Variants in LDHB observed in about 807,000 individuals in gnomAD.
LDHB encodes the protein lactate dehydrogenase B, also known as L-lactate dehydrogenase B chain.
In LDHB, 18 loss-of-function variants were observed where a neutral mutation model predicts 33.4. The ratio of observed to expected loss-of-function variants is 0.54; its 90% CI spans 0.37 to 0.80. The LOEUF is 0.80. Ranked by LOEUF, LDHB falls within the 30% of genes least tolerant of loss-of-function variation. The pLI is 0.00. For missense variants in LDHB, 345 were observed against 407.9 expected (o/e 0.85, Z 1.33); for synonymous variants, 121 against 140.6 (o/e 0.86, Z 0.98).
intron 2 of LDHB, among the ~76,000 whole-genome samples, chr12:21,650,084 T>G (rs1432356347): frequency 1.1e-5 from 1 of 88,128 alleles, no homozygotes; most frequent in Non-Finnish European, 2.3e-5. Flanking sequence ...AGTAAGACTC[T>G]CTCTCTCAAG....
chr12:21,652,079 C>T (rs1938704549), intron 2 of LDHB, among the ~76,000 whole-genome samples: 1 of 145,454 alleles, frequency 6.9e-6, no homozygotes, highest in African/African-American at 2.5e-5. Context: ...AATTAAACTA[C>T]TTACTGAAGA....
intron 1 of LDHB, chr12:21,657,106 G>C (rs1267789310): frequency 6.6e-6 from 1 of 152,148 alleles, no homozygotes; most frequent in Non-Finnish European, 1.5e-5. Context: ...AAGGTCTGTG[G>C]GGACAAGTCT....
chr12:21,638,757 T>C (rs1938285359), intron 5 of LDHB, among the ~76,000 whole-genome samples: 1 of 152,028 alleles, frequency 6.6e-6, no homozygotes, highest in Non-Finnish European at 1.5e-5. Context: ...TCTCTCTAGG[T>C]GTGTGAAATC....
At chr12:21,638,913 G>A (rs1486859112) in intron 5 of LDHB, among the ~76,000 whole-genome samples, 1 of 151,910 alleles carries the variant, frequency 6.6e-6, no homozygotes, top group African/African-American at 2.4e-5. Context: ...GCATAATTAT[G>A]AAAGTGGGGT....
chr12:21,645,244 C>CAG (rs398116214), intron 3 of LDHB, among the ~76,000 whole-genome samples: 46 of 151,800 alleles, frequency 3.0e-4, no homozygotes, highest in African/African-American at 1.0e-3. Flanking sequence ...TATGGAAGGC[C>CAG]GCAGGGACCT....
chr12:21,637,073 T>C lies in LDHB; in HGVS notation c.835A>G (p.Lys279Glu). Residue 279 changes from lysine to glutamate, a missense_variant and splice_region_variant, in exon 7 of 8, where the codon AAG becomes GAG. Physicochemically the swap from Lys to Glu is moderately conservative, Grantham distance 56. Transcript: ENST00000350669. ...CATTTTGTGGTAGTTTGTCTTACCT[T>C]TACCATTGTTGACACGGGATGAATC... is the stretch of plus-strand genomic sequence containing the variant. ...SRIHPVSTMV[K>E]GMYGIENEVF... is the part of the protein sequence containing the mutation. 6.2e-7 allele frequency: 1 copy of C among 1,604,366 alleles called. No homozygotes were observed. The highest frequency in any genetic ancestry group is 8.5e-7 in the Non-Finnish European group (1 of 1,172,776).
intron 6 of LDHB, among the ~76,000 whole-genome samples, chr12:21,637,567 G>C (rs1298452850): frequency 6.6e-6 from 1 of 151,988 alleles, no homozygotes; most frequent in Non-Finnish European, 1.5e-5. Context: ...TCAATTGTGA[G>C]GTCCCACTTG....
chr12:21,642,040 A>G lies in LDHB; in HGVS notation c.507T>C (p.Ala169=), dbSNP rs1369262198. 9.3e-6 allele frequency: 15 copies of G among 1,613,598 alleles called. No homozygotes were observed. Among genetic ancestry groups the G allele is most frequent in the Non-Finnish European group, 1.1e-5 (13 of 1,179,646 alleles). ...VIGSGCNLDS[A]RFRYLMAEKL... is the part of the protein sequence containing the mutation. ...TTTCAGCCATAAGGTAGCGAAATCTAGCAGAATCCAGATTACATCCACTTC... is the reference window on the plus strand; with the variant it reads ...TTTCAGCCATAAGGTAGCGAAATCTGGCAGAATCCAGATTACATCCACTTC... Residue 169 remains alanine, a synonymous_variant, in exon 5 of 8, where the codon GCT becomes GCC. Transcript: ENST00000350669.
intron 2 of LDHB, among the ~76,000 whole-genome samples, chr12:21,647,663 A>G (rs1246300206): frequency 6.6e-6 from 1 of 152,112 alleles, no homozygotes; most frequent in Non-Finnish European, 1.5e-5. Flanking sequence ...TAATGAATAT[A>G]CTATTTAATC....
chr12:21,642,414 GATTA>G (rs1938399310), intron 4 of LDHB, among the ~76,000 whole-genome samples: 1 of 152,038 alleles, frequency 6.6e-6, no homozygotes, highest in Non-Finnish European at 1.5e-5. Context: ...GAACCTTGCA[GATTA>G]ATTAACTTAA....
intron 4 of LDHB, 81 bp from the exon 5 acceptor site, chr12:21,642,206 C>T: frequency 2.2e-6 from 2 of 901,370 alleles, no homozygotes; most frequent in African/African-American, 1.6e-5. Flanking sequence ...CCTGGCTTCC[C>T]TTTTCCCACT....
intron 3 of LDHB, among the ~76,000 whole-genome samples, chr12:21,644,446 C>CAAAAAA (rs374761135): frequency 0.064 from 6,709 of 105,156 alleles, 11 homozygotes; most frequent in Non-Finnish European, 0.082. Context: ...AAAAAAAAAA[C>CAAAAAA]AAAAACAAAA....
intron 2 of LDHB, among the ~76,000 whole-genome samples, chr12:21,650,116 A>ACG (rs1938642024): frequency 8.0e-6 from 1 of 125,712 alleles, no homozygotes; most frequent in African/African-American, 3.0e-5. Flanking sequence ...ACACACACAC[A>ACG]CACACACACA....
intron 1 of LDHB, chr12:21,656,980 G>A (rs1938865966): frequency 1.3e-5 from 2 of 150,000 alleles, no homozygotes. Flanking sequence ...CATTCCCCAG[G>A]CCCTTACTGC....
intron 2 of LDHB, among the ~76,000 whole-genome samples, chr12:21,653,461 T>C (rs1166914429): frequency 6.6e-6 from 1 of 152,144 alleles, no homozygotes; most frequent in Non-Finnish European, 1.5e-5. Flanking sequence ...ACAAAACTGG[T>C]TCCCTAGTGC....
Position 21,652,562 on chromosome 12 carries a change from TA to T in LDHB, c.129+1980del, listed in dbSNP as rs1938721206. On this transcript the variant is annotated intron_variant, in intron 2 of 7. Transcript: ENST00000350669. ...GTGGTTACTTCAATTCCCTGTAATC[TA>T]GGGAGCTGCCATCTTAAATGGTAGT... 7.9e-5 allele frequency among the ~76,000 whole-genome samples: 12 copies of T among 152,292 alleles called. No individual in the cohort carries two copies. The South Asian group carries it at 2.5e-3, about 32-fold the overall frequency.
intron 5 of LDHB, among the ~76,000 whole-genome samples, chr12:21,639,843 G>A (rs942091168): frequency 9.9e-5 from 15 of 151,950 alleles, no homozygotes; most frequent in African/African-American, 3.6e-4. Context: ...TGAGTCCCTG[G>A]AGGTAAACAA....
At position 21,638,514 on chromosome 12, in the gene LDHB, T is replaced by A. The variant is rs781728258; in HGVS notation, c.596-44A>T. ...AAAGACATTGCAGTTATTTCTTACATTATTTTAAAAAATATTTTCTTCTTT... is the reference window on the plus strand; with the variant it reads ...AAAGACATTGCAGTTATTTCTTACAATATTTTAAAAAATATTTTCTTCTTT... On this transcript the variant is annotated intron_variant, in intron 5 of 7. Transcript: ENST00000350669. The A allele has an allele frequency of 3.1e-6, 4 of 1,307,796 alleles. No individual in the cohort carries two copies. The Admixed American group carries it at 5.2e-5, about 17-fold the overall frequency. The allele number at this position is 1,307,796 out of a possible 1,614,324, so 81.0% of individuals were successfully genotyped here.
At chr12:21,651,918 T>C (rs1230076152) in intron 2 of LDHB, among the ~76,000 whole-genome samples, 1 of 152,192 alleles carries the variant, frequency 6.6e-6, no homozygotes, top group Non-Finnish European at 1.5e-5. Context: ...ATGTACTCCA[T>C]TTTGCAAAAG....
Sources: gnomAD v4.1 joint callset for allele counts (sites outside exome capture counted in the v4.1 genomes callset) on GRCh38, gnomAD v4.1.1 for gene constraint, MANE v1.5 for transcripts, NCBI Gene and HGNC (gene_info 2026-07-23, HGNC 2026-07-21) for gene names.